The following ACSL6 variants were observed in gnomAD, a reference collection of about 807,000 sequenced individuals.
ACSL6 encodes the protein long-chain-fatty-acid--CoA ligase 6.
A neutral mutation model predicts 98.2 loss-of-function variants in ACSL6; 47 were observed. The observed-to-expected ratio is 0.48, with a 90% CI of 0.38 to 0.61. ACSL6 has a LOEUF of 0.61. Ranked by LOEUF, ACSL6 falls within the 20% of genes least tolerant of loss-of-function variation. The probability of loss-of-function intolerance (pLI) is 0.00; values close to 1 mark genes in which losing one functional copy is unlikely to be tolerated. For synonymous variants in ACSL6, 362 were observed against 336.9 expected (o/e 1.07, Z -0.82); for missense variants, 761 against 913.4 (o/e 0.83, Z 2.15).
At chr5:131,994,654 TGGA>T (rs552048744) in intron 1 of ACSL6, 1 of 254,812 alleles carries the variant, frequency 3.9e-6, no homozygotes, top group Non-Finnish European at 7.7e-6. Flanking sequence ...TCCTGGGGTG[TGGA>T]GAAGAGGGAA....
intron 1 of ACSL6, among the ~76,000 whole-genome samples, chr5:132,000,094 G>A (rs948875864): frequency 1.3e-5 from 2 of 151,920 alleles, no homozygotes; most frequent in Non-Finnish European, 2.9e-5. Context: ...CCATCTACCC[G>A]GGAGATTCTG....
Position 131,966,517 on chromosome 5 carries a change from G to C in ACSL6, c.1612C>G (p.Pro538Ala), listed in dbSNP as rs1408797203. Residue 538 changes from proline (P) to alanine (A), a missense_variant, in exon 17 of 21, where the codon CCA becomes GCA. By Grantham distance (27) the Pro-to-Ala change is conservative. Transcript: ENST00000651883. ...KGEGEICVRG[P>A]NVFKGYLKDP... ...TTCAAGTAGCCTTTGAACACATTTG[G>C]TCCTCTCACACATATCTATGGGACA... is the stretch of plus-strand genomic sequence containing the variant. 1.2e-6 allele frequency: 2 copies of C among 1,613,920 alleles called. No individual in the cohort carries two copies. The highest frequency in any genetic ancestry group is 2.7e-5 in the African/African-American group (2 of 74,868).
At chr5:131,985,498 T>C (rs1754130502) in intron 8 of ACSL6, 40 bp from the exon 9 acceptor site, 1 of 1,611,256 alleles carries the variant, frequency 6.2e-7, no homozygotes, top group East Asian at 2.2e-5. Flanking sequence ...GGAGACCCAG[T>C]GTGGCCAGCC....
Position 131,976,669 on chromosome 5 carries a change from T to A in ACSL6, c.969A>T (p.Ser323=). The A allele has an allele frequency of 6.2e-7, 1 of 1,614,184 alleles. No homozygotes were observed. Among genetic ancestry groups the A allele is most frequent in the South Asian group, 1.1e-5 (1 of 91,086 alleles). ...LTHGNVVADF[S]GFLKVTEKVI... ...TCACCTCTGTCACTTTCAGAAAGCC[T>A]GAGAAATCAGCCACCACGTTCCCAT... The change falls in exon 10 of 21, where the codon TCA becomes TCT. Residue 323 remains serine (S), a synonymous_variant. Coordinates refer to ENST00000651883, the MANE Select transcript of ACSL6 (RefSeq NM_001009185.3).
intron 18 of ACSL6, chr5:131,960,975 C>G (rs574538589): frequency 5.4e-6 from 1 of 185,992 alleles, no homozygotes; most frequent in Non-Finnish European, 1.1e-5. Flanking sequence ...TACCAAACCA[C>G]GTTGAAATGG....
At chr5:132,003,921 C>T (rs1180534702) in intron 1 of ACSL6, 1 of 152,150 alleles carries the variant, frequency 6.6e-6, no homozygotes, top group Non-Finnish European at 1.5e-5. Flanking sequence ...GGAGTAGCAC[C>T]CTTTTTTTGG....
At chr5:132,011,831 G>C (rs1217695629), upstream of ACSL6, 4 of 1,495,498 alleles carry the variant, frequency 2.7e-6, no homozygotes, top group Non-Finnish European at 3.6e-6. This position sits in a 1 kb window ranked among gnomAD's most constrained non-coding sequence, Gnocchi z 5.4. Context: ...CGCGGTGTCG[G>C]AACCGCCAAG....
intron 1 of ACSL6, among the ~76,000 whole-genome samples, chr5:131,995,591 A>T (rs1364766484): frequency 6.6e-6 from 1 of 152,210 alleles, no homozygotes; most frequent in Non-Finnish European, 1.5e-5. Flanking sequence ...GCTACTCTGC[A>T]GCCATGGGAT....
rs76654219 is a variant in ACSL6 at position 131,997,548 on chromosome 5, G to T, written c.50-3297C>A. On this transcript the variant is annotated intron_variant, in intron 1 of 20. Transcript: ENST00000651883. ...GGGAAGTGCAGGGCCACCAGAGCCT[G>T]TATGAGGGGACCAGCCAGTTGGGCC... is the stretch of plus-strand genomic sequence containing the variant. 5.1e-3 allele frequency among the ~76,000 whole-genome samples: 778 copies of T among 152,348 alleles called. 9 individuals carry two copies. The highest frequency in any genetic ancestry group is 0.016 in the African/African-American group (664 of 41,576).
At chr5:131,956,736 T>C (rs1752427742) in intron 20 of ACSL6, among the ~76,000 whole-genome samples, 1 of 152,190 alleles carries the variant, frequency 6.6e-6, no homozygotes, top group East Asian at 1.9e-4. Flanking sequence ...CACATGTTCA[T>C]TTTTTATAAT....
intron 17 of ACSL6, among the ~76,000 whole-genome samples, chr5:131,963,138 C>T (rs1478358001): frequency 6.6e-6 from 1 of 152,194 alleles, no homozygotes; most frequent in Non-Finnish European, 1.5e-5. Context: ...CCCTAAAGAG[C>T]AGCCTCTGCA....
At chr5:131,975,152 G>A in intron 10 of ACSL6, 182 bp from the exon 11 acceptor site, 2 of 1,417,090 alleles carry the variant, frequency 1.4e-6, no homozygotes, top group African/African-American at 1.4e-5. Flanking sequence ...GAGAGAGAGA[G>A]GGAGAGAGAG....
chr5:131,992,014 G>T (rs1754550704), intron 2 of ACSL6, among the ~76,000 whole-genome samples: 1 of 152,156 alleles, frequency 6.6e-6, no homozygotes, highest in African/African-American at 2.4e-5. Flanking sequence ...TACAAGGAGA[G>T]ACTGTATGCC....
At chr5:131,964,152 C>A (rs1752884380) in intron 17 of ACSL6, among the ~76,000 whole-genome samples, 2 of 152,148 alleles carry the variant, frequency 1.3e-5, no homozygotes, top group South Asian at 4.1e-4. Context: ...GGGGAAAAAA[C>A]CCACTTACCA....
Position 131,988,053 on chromosome 5 carries a change from C to T in ACSL6, c.826G>A (p.Val276Met), listed in dbSNP as rs368021532. The T allele has an allele frequency of 6.4e-5, 103 of 1,613,746 alleles. No homozygotes were observed. Among genetic ancestry groups the T allele is most frequent in the Middle Eastern group, 1.6e-4 (1 of 6,080 alleles). Reference protein sequence around the residue: ...CGVVIKSMQAVEDCGQENHQA... With the variant: ...CGVVIKSMQAMEDCGQENHQA... ...GCCCAGAAGCAGACCCTCACCTCCA[C>T]GGCCTGCATGGACTTAATGACCACC... is the stretch of plus-strand genomic sequence containing the variant. Residue 276 changes from valine to methionine, a missense_variant, in exon 7 of 21, where the codon GTG becomes ATG. Coordinates refer to ENST00000651883, the MANE Select transcript of ACSL6 (RefSeq NM_001009185.3).
chr5:132,011,891 GC>G, upstream of ACSL6: 4 of 1,549,400 alleles, frequency 2.6e-6, no homozygotes, highest in South Asian at 1.2e-5. The surrounding 1 kb of genome is among the most constrained non-coding windows in gnomAD (Gnocchi z 5.4). Flanking sequence ...GCCCTCTCCG[GC>G]CCCGCTCTCC....
chr5:131,994,445 G>T (rs755156382), intron 1 of ACSL6, 194 bp from the exon 2 acceptor site: 5 of 585,698 alleles, frequency 8.5e-6, no homozygotes, highest in African/African-American at 3.7e-5. Context: ...ACCTTCTGCC[G>T]TCACACCTGA....
intron 1 of ACSL6, among the ~76,000 whole-genome samples, chr5:132,006,080 T>C (rs1017498947): frequency 2.6e-5 from 4 of 152,168 alleles, no homozygotes; most frequent in Non-Finnish European, 4.4e-5. Context: ...AATGGGCAGA[T>C]GGCAAATCAG....
intron 8 of ACSL6, among the ~76,000 whole-genome samples, chr5:131,986,306 G>A (rs947632536): frequency 3.3e-5 from 5 of 152,202 alleles, no homozygotes; most frequent in African/African-American, 1.2e-4. Context: ...AGGCCTGGAG[G>A]CCATATGCCT....
Sources: gnomAD v4.1 joint callset for allele counts (sites outside exome capture counted in the v4.1 genomes callset) on GRCh38, gnomAD v4.1.1 for gene constraint, Gnocchi (gnomAD v3.1) non-coding constraint, MANE v1.5 for transcripts, NCBI Gene and HGNC (gene_info 2026-07-23, HGNC 2026-07-21) for gene names.